Variants in RGL3 observed in about 807,000 individuals in gnomAD.
RGL3 encodes ral guanine nucleotide dissociation stimulator-like 3.
RGL3 carries 85 observed loss-of-function variants against 90.6 expected under a neutral mutation model. That is an observed-to-expected ratio of 0.94 (90% CI 0.79 to 1.12). The LOEUF is 1.12. RGL3 is among the 50% of genes most tolerant of loss of function. The pLI, the probability that RGL3 is intolerant of heterozygous loss-of-function variation, is 0.00. For missense variants in RGL3, 1,034 were observed against 939.2 expected, an observed-to-expected ratio of 1.10 and a Z score of -1.32; for synonymous variants, 408 against 385.5, an observed-to-expected ratio of 1.06 and a Z score of -0.68.
intron 13 of RGL3, 29 bp downstream of exon 13, chr19:11,401,982 G>A (rs1292999398): frequency 6.6e-7 from 1 of 1,511,108 alleles, no homozygotes; most frequent in African/African-American, 1.4e-5. Flanking sequence ...CAGCTGGGGT[G>A]GGGCTGGGAC....
In RGL3 at chr19:11,402,594, T is replaced by A. The variant is rs529854947; in HGVS notation, c.1243-53A>T. On this transcript the variant is annotated intron_variant, in intron 10 of 18. Transcript: ENST00000380456. ...GGGGCCATTACTGACCCCATCACCATCCACAACCCTCCCTGAAGGTCCCAC... is the reference window on the plus strand; with the variant it reads ...GGGGCCATTACTGACCCCATCACCAACCACAACCCTCCCTGAAGGTCCCAC... 4.7e-5 allele frequency: 76 copies of A among 1,612,310 alleles called. 2 individuals are homozygous for A. In the South Asian group the frequency reaches 7.9e-4, roughly 17 times the overall value.
intron 18 of RGL3, among the ~76,000 whole-genome samples, chr19:11,395,651 C>G (rs140731180): frequency 1.3e-5 from 2 of 151,920 alleles, no homozygotes; most frequent in African/African-American, 2.4e-5. Context: ...TTTTTTGAGA[C>G]GGAGTCTCAC....
chr19:11,402,550 C>A lies in RGL3; in HGVS notation c.1243-9G>T. On this transcript the variant is annotated splice_polypyrimidine_tract_variant and intron_variant, in intron 10 of 18. Transcript: ENST00000380456. ...GGGCCTGGGGGTGGTTTCTGCAGCC[C>A]CCAAAGCTCCAGTCACTTGGGGCCA... 6.2e-7 allele frequency: 1 copy of A among 1,605,792 alleles called. No homozygotes were observed. Among genetic ancestry groups the A allele is most frequent in the Non-Finnish European group, 8.5e-7 (1 of 1,177,726 alleles).
chr19:11,400,333 A>G, intron 13 of RGL3, 36 bp from the exon 14 acceptor site: 1 of 1,510,052 alleles, frequency 6.6e-7, no homozygotes, highest in East Asian at 2.4e-5. Context: ...TGGTGGGGGC[A>G]GGAAATACAG....
chr19:11,397,481 G>A lies in RGL3; in HGVS notation c.1863C>T (p.Ile621=), dbSNP rs1326601147. 5.0e-6 allele frequency: 8 copies of A among 1,613,230 alleles called. No homozygotes were observed. The highest frequency in any genetic ancestry group is 3.3e-4 in the Middle Eastern group (2 of 6,058). Residue 621 remains isoleucine, a synonymous_variant, in exon 17 of 19, where the codon ATC becomes ATT. Coordinates refer to ENST00000380456, the MANE Select transcript of RGL3 (RefSeq NM_001035223.4). ...GATACAGGTTCCCGTGGTCATTGTC[G>A]ATGCTGACGCGGATGACACGGGCCT... is the stretch of plus-strand genomic sequence containing the variant. ...SSEARVIRVS[I]DNDHGNLYRS...
chr19:11,402,485 C>T lies in RGL3; in HGVS notation c.1299G>A (p.Met433Ile), dbSNP rs1027984719. 1 of 1,604,986 alleles carries T rather than the reference C, an allele frequency of 6.2e-7. No individual in the cohort carries two copies. Among genetic ancestry groups the T allele is most frequent in the Middle Eastern group, 1.7e-4 (1 of 5,990 alleles). ...ACATATCCGGCAGGGCTGTGTCCAG[C>T]ATAACCAGGTCCGTAAGGAAGGTGC... ...YLGTFLTDLV[M>I]LDTALPDMLE... Residue 433 changes from methionine (M) to isoleucine (I), a missense_variant, in exon 11 of 19, where the codon ATG (methionine) becomes ATA (isoleucine). Physicochemically the swap from Met to Ile is conservative, Grantham distance 10. Transcript: ENST00000380456.
intron 3 of RGL3, 31 bp from the exon 4 acceptor site, chr19:11,416,698 G>A: frequency 6.2e-7 from 1 of 1,611,118 alleles, no homozygotes; most frequent in Non-Finnish European, 8.5e-7. Flanking sequence ...AGGTGAAGAA[G>A]GGGGAACCTA....
chr19:11,402,391 G>C, intron 11 of RGL3, 64 bp downstream of exon 11: 1 of 1,565,482 alleles, frequency 6.4e-7, no homozygotes, highest in Middle Eastern at 1.7e-4. Context: ...GGTGGATATT[G>C]GGAGGCCCAT....
chr19:11,398,413 T>G (rs1599429673), intron 16 of RGL3, among the ~76,000 whole-genome samples: 4 of 152,040 alleles, frequency 2.6e-5, no homozygotes, highest in African/African-American at 9.7e-5. Context: ...TGGTGCCATC[T>G]CAGCTCACTG....
chr19:11,403,104 G>C (rs977887436), intron 9 of RGL3, among the ~76,000 whole-genome samples: 2 of 151,632 alleles, frequency 1.3e-5, no homozygotes, highest in Non-Finnish European at 2.9e-5. Context: ...GCGCGATCTC[G>C]GCTCACTGCA....
chr19:11,394,636 G>A lies in RGL3; in HGVS notation c.2015-116C>T, dbSNP rs2144711373. The A allele has an allele frequency of 2.9e-5, 21 of 730,762 alleles. No homozygotes were observed. In the South Asian group the frequency reaches 3.4e-4, roughly 12 times the overall value. The allele number at this position is 730,762 out of a possible 1,614,324, so 45.3% of individuals were successfully genotyped here. On this transcript the variant is annotated intron_variant, in intron 18 of 18. Transcript: ENST00000380456. ...AACCTGAACAGCCATGGGTCCCTCT[G>A]CAGCTACTGCCAAGCCAAGCTCATT...
At position 11,402,412 on chromosome 19, in the gene RGL3, G is replaced by A. The variant is rs756127170; in HGVS notation, c.1329+43C>T. 4 of 1,578,206 alleles carry A rather than the reference G, an allele frequency of 2.5e-6. No individual in the cohort carries two copies. The African/African-American group carries it at 4.1e-5, about 16-fold the overall frequency. ...TATTGGGAGGCCCATTGTGCTGGGGGCAAGTGGAGCTGGGGTCAGGGGTCA... is the reference window on the plus strand; with the variant it reads ...TATTGGGAGGCCCATTGTGCTGGGGACAAGTGGAGCTGGGGTCAGGGGTCA... On this transcript the variant is annotated intron_variant, in intron 11 of 18. Coordinates refer to ENST00000380456, the MANE Select transcript of RGL3 (RefSeq NM_001035223.4).
chr19:11,412,843 G>A (rs1181423269), intron 5 of RGL3, among the ~76,000 whole-genome samples: 2 of 152,062 alleles, frequency 1.3e-5, no homozygotes, highest in African/African-American at 4.8e-5. Flanking sequence ...GCGGGCGCCT[G>A]TAGTACCAGC....
Position 11,399,719 on chromosome 19 carries a change from G to A in RGL3, c.1746+136C>T, listed in dbSNP as rs939641006. ...ATGCAATCCCCTGGATGGATACCCC[G>A]GGCGCTCAGTGTGCCTCCTGTATAC... On this transcript the variant is annotated intron_variant, in intron 16 of 18. Transcript: ENST00000380456. 4.5e-5 allele frequency: 22 copies of A among 488,304 alleles called. No homozygotes were observed. The South Asian group carries it at 6.5e-4, about 14-fold the overall frequency. The allele number at this position is 488,304 out of a possible 1,614,324, so 30.2% of individuals were successfully genotyped here.
In RGL3 at chr19:11,397,521, G is replaced by A. The variant is rs750883806; in HGVS notation, c.1823C>T (p.Ala608Val). Reference sequence around the variant, plus strand: ...GACACGGGCCTCCGAGCTCTGCTGCGCCGGGAGGGGGATTCGAGGGCTGCC... The same window carrying A: ...GACACGGGCCTCCGAGCTCTGCTGCACCGGGAGGGGGATTCGAGGGCTGCC... Reference protein sequence around the residue: ...PLGSPRIPLPAQQSSEARVIR... With the variant: ...PLGSPRIPLPVQQSSEARVIR... Residue 608 changes from alanine (A) to valine (V), a missense_variant, in exon 17 of 19, where the codon GCG (alanine) becomes GTG (valine). Transcript: ENST00000380456. The A allele has an allele frequency of 2.0e-5, 33 of 1,613,228 alleles. No homozygotes were observed. In the East Asian group the frequency reaches 2.5e-4, roughly 12 times the overall value.
intron 18 of RGL3, 68 bp downstream of exon 18, chr19:11,397,176 T>C: frequency 2.2e-6 from 3 of 1,359,438 alleles, no homozygotes; most frequent in Middle Eastern, 1.8e-4. Flanking sequence ...GGCTCCATCC[T>C]TGGGCGTGGT....
At chr19:11,414,505 A>ATATATATATATATACC (rs1555720248) in intron 5 of RGL3, among the ~76,000 whole-genome samples, 4 of 98,170 alleles carry the variant, frequency 4.1e-5, no homozygotes, top group African/African-American at 1.7e-4. Flanking sequence ...ATATATATAT[A>ATATATATATATATACC]TATATATATA....
chr19:11,417,181 T>G, intron 2 of RGL3, 122 bp from the exon 3 acceptor site: 1 of 773,052 alleles, frequency 1.3e-6, no homozygotes, highest in South Asian at 2.0e-5. Context: ...AGACAGAGTC[T>G]CACTCTGTTG....
At chr19:11,418,894 T>C in intron 1 of RGL3, 110 bp from the exon 2 acceptor site, 1 of 857,076 alleles carries the variant, frequency 1.2e-6, no homozygotes, top group East Asian at 2.9e-5. Context: ...CCCACGCCCC[T>C]TCCCGGCCAG....
Sources: gnomAD v4.1 joint callset for allele counts (sites outside exome capture counted in the v4.1 genomes callset) on GRCh38, gnomAD v4.1.1 for gene constraint, MANE v1.5 for transcripts, NCBI Gene and HGNC (gene_info 2026-07-23, HGNC 2026-07-21) for gene names.